The following PUDP variants were observed in gnomAD, a reference collection of about 807,000 sequenced individuals.
PUDP encodes the protein pseudouridine 5'-phosphatase.
PUDP carries 8 observed loss-of-function variants against 9.4 expected under a neutral mutation model. The ratio of observed to expected loss-of-function variants is 0.85; its 90% CI spans 0.50 to 1.53. The LOEUF (loss-of-function observed/expected upper bound fraction) is 1.53, where lower values mean the gene tolerates loss of function less well. Among genes scored for constraint, PUDP ranks in the 40% most tolerant of loss-of-function variants. The pLI is 0.00. For missense variants in PUDP, 188 were observed against 189.7 expected (o/e 0.99, Z 0.05); for synonymous variants, 99 against 80.7 (o/e 1.23, Z -1.22).
chrX:6,725,871 C>T (rs1003726729), upstream of PUDP, among the ~76,000 whole-genome samples: 4 of 111,724 alleles, frequency 3.6e-5, no homozygotes, highest in Non-Finnish European at 7.5e-5. Flanking sequence ...TCCCAAAGAA[C>T]TAAAAATAGA....
At chrX:6,991,142 TTCTTC>T (rs1929170797) in intron 1 of PUDP, among the ~76,000 whole-genome samples, 1 of 112,015 alleles carries the variant, frequency 8.9e-6, no homozygotes, top group African/African-American at 3.2e-5. Context: ...CCCAAGCAAG[TTCTTC>T]TCTATCTGCC....
At chrX:6,792,112 A>G (rs1285471421) in intron 3 of PUDP, among the ~76,000 whole-genome samples, 1 of 111,096 alleles carries the variant, frequency 9.0e-6, no homozygotes. Flanking sequence ...CAGCAAATTC[A>G]GAGAAAGGTA....
At position 6,929,592 on chromosome X, in the gene PUDP, A is replaced by T. The variant is rs148231146; in HGVS notation, c.*247+47541T>A. Among the ~76,000 whole-genome samples, 625 of 112,224 alleles carry T rather than the reference A, an allele frequency of 5.6e-3. 3 individuals are homozygous for T. The highest frequency in any genetic ancestry group is 0.019 in the African/African-American group (600 of 30,933). On this transcript the variant is annotated intron_variant and NMD_transcript_variant, in intron 3 of 3. Coordinates refer to the PUDP transcript ENST00000655425. ...GTTTCTTATCAGACATAAGGAGCCA[A>T]TTCTATTGGTAATTCCAAAAGGGAG... is the stretch of plus-strand genomic sequence containing the variant.
intron 1 of PUDP, among the ~76,000 whole-genome samples, chrX:6,706,649 C>T (rs747618298): frequency 4.5e-5 from 5 of 111,605 alleles, no homozygotes; most frequent in East Asian, 5.7e-4. Flanking sequence ...GATCAGAATA[C>T]GACACCCAAA....
At chrX:6,933,623 C>G (rs1436030178) in intron 3 of PUDP, among the ~76,000 whole-genome samples, 1 of 112,239 alleles carries the variant, frequency 8.9e-6, no homozygotes, top group African/African-American at 3.2e-5. Flanking sequence ...TGGAACAAAG[C>G]TGGATGGAGA....
chrX:6,978,411 T>C (rs1252111439), intron 1 of PUDP, among the ~76,000 whole-genome samples: 2 of 112,337 alleles, frequency 1.8e-5, no homozygotes, highest in African/African-American at 6.5e-5. Flanking sequence ...TGTATTCATT[T>C]TTCCCTGTGC....
At chrX:6,982,045 CACACACAT>C (rs1366186580) in intron 1 of PUDP, among the ~76,000 whole-genome samples, 12 of 107,651 alleles carry the variant, frequency 1.1e-4, no homozygotes, top group African/African-American at 4.1e-4. Context: ...CACACACACA[CACACACAT>C]ACACACACGC....
At chrX:7,118,187 A>G (rs1252194704) in intron 1 of PUDP, among the ~76,000 whole-genome samples, 3 of 112,219 alleles carry the variant, frequency 2.7e-5, no homozygotes, top group African/African-American at 9.7e-5. Context: ...CCATTACCAG[A>G]TCTAATTCAT....
chrX:6,932,495 T>G (rs1443486576), intron 3 of PUDP, among the ~76,000 whole-genome samples: 1 of 111,679 alleles, frequency 9.0e-6, no homozygotes, highest in Non-Finnish European at 1.9e-5. Flanking sequence ...GGAGGAGCCA[T>G]GATGGCCGAA....
At chrX:7,053,917 C>T (rs1391967964) in intron 3 of PUDP, among the ~76,000 whole-genome samples, 1 of 111,962 alleles carries the variant, frequency 8.9e-6, no homozygotes, top group Non-Finnish European at 1.9e-5. Context: ...TTTCTCATGG[C>T]TTTCACGTTT....
chrX:6,947,055 C>T (rs1197176602), intron 3 of PUDP, among the ~76,000 whole-genome samples: 4 of 106,154 alleles, frequency 3.8e-5, no homozygotes, highest in Non-Finnish European at 7.7e-5. Context: ...GGCTGGAGTG[C>T]AGTGGTGCCA....
Position 6,717,305 on chromosome X carries a change from C to G in PUDP, n.128+4112G>C, listed in dbSNP as rs753210730. 9.0e-5 allele frequency among the ~76,000 whole-genome samples: 10 copies of G among 111,452 alleles called. No individual in the cohort carries two copies. In the East Asian group the frequency reaches 2.3e-3, roughly 25 times the overall value. On this transcript the variant is annotated intron_variant and non_coding_transcript_variant, in intron 1 of 2. Transcript: ENST00000438499. ...GCTGGAGCGATTGCCCCTTTATGCA[C>G]AGAGAGCTGTAAGTGTCTGGGATTT...
At chrX:7,038,637 G>A (rs191625396) in intron 1 of PUDP, among the ~76,000 whole-genome samples, 1 of 111,325 alleles carries the variant, frequency 9.0e-6, no homozygotes, top group Non-Finnish European at 1.9e-5. Context: ...GGGAAAAAAA[G>A]CTCAAAATTG....
Position 6,796,754 on chromosome X carries a change from G to A in PUDP, c.*248-90288C>T, listed in dbSNP as rs757496716. On this transcript the variant is annotated intron_variant and NMD_transcript_variant, in intron 3 of 3. Transcript: ENST00000655425. ...AGAGAGAGAAGGCTAAGAGAGAGAC[G>A]TGTATGTTAATAAAAAACAGGACAA... Among the ~76,000 whole-genome samples, 344 of 111,760 alleles carry A rather than the reference G, an allele frequency of 3.1e-3. 2 individuals are homozygous for A. Among genetic ancestry groups the A allele is most frequent in the African/African-American group, 0.011 (329 of 30,798 alleles).
intron 3 of PUDP, among the ~76,000 whole-genome samples, chrX:6,842,131 TC>T (rs1358734636): frequency 8.9e-6 from 1 of 112,123 alleles, no homozygotes; most frequent in Non-Finnish European, 1.9e-5. Context: ...AATCTCATAT[TC>T]CTCTTGCTAA....
intron 3 of PUDP, among the ~76,000 whole-genome samples, chrX:6,917,810 G>T (rs1395032969): frequency 2.7e-5 from 3 of 111,917 alleles, no homozygotes; most frequent in South Asian, 7.5e-4. Context: ...CCACTCTAAC[G>T]CATTGCTGAA....
chrX:7,114,727 A>G (rs1932149629), intron 1 of PUDP, among the ~76,000 whole-genome samples: 1 of 112,209 alleles, frequency 8.9e-6, no homozygotes, highest in Non-Finnish European at 1.9e-5. Context: ...TTATGTTTTC[A>G]TGTAAGACTT....
chrX:7,094,186 A>G lies in PUDP; in HGVS notation c.280+11434T>C, dbSNP rs1020802473. Among the ~76,000 whole-genome samples, 2 of 111,009 alleles carry G rather than the reference A, an allele frequency of 1.8e-5. 1 individual carries two copies. The highest frequency in any genetic ancestry group is 5.6e-4 in the East Asian group (2 of 3,546). ...CTTTGAGAAACATCTCCACATGCGC[A>G]GTGAGGTAATATCTAGGATGATCAG... On this transcript the variant is annotated intron_variant, in intron 2 of 3. Coordinates refer to ENST00000381077, the MANE Select transcript of PUDP (RefSeq NM_012080.5).
At chrX:6,815,587 C>T (rs375109294) in intron 3 of PUDP, among the ~76,000 whole-genome samples, 6 of 111,190 alleles carry the variant, frequency 5.4e-5, no homozygotes, top group African/African-American at 1.6e-4. Flanking sequence ...GAGGGTGAGG[C>T]CTAGAACTGG....
Sources: gnomAD v4.1 joint callset for allele counts (sites outside exome capture counted in the v4.1 genomes callset) on GRCh38, gnomAD v4.1.1 for gene constraint, MANE v1.5 for transcripts, NCBI Gene and HGNC (gene_info 2026-07-23, HGNC 2026-07-21) for gene names.